The following PHRF1 variants were observed in gnomAD, a reference collection of about 807,000 sequenced individuals.
PHRF1 encodes the protein PHD and RING finger domain-containing protein 1.
Under a neutral mutation model 128.9 loss-of-function variants are expected in PHRF1, and 53 were observed. The ratio of observed to expected loss-of-function variants is 0.41; its 90% CI spans 0.33 to 0.52. The LOEUF is 0.52. Among genes scored for constraint, PHRF1 ranks in the 20% least tolerant of loss-of-function variants. The pLI is 0.21. For synonymous variants in PHRF1, 1,178 were observed against 980.6 expected (o/e 1.20, Z -3.76); for missense variants, 2,503 against 2,284.5 (o/e 1.10, Z -1.95).
chr11:611,066 G>A lies in PHRF1; in HGVS notation c.4790G>A (p.Arg1597His), dbSNP rs762689532. Residue 1597 changes from arginine (R) to histidine (H), a missense_variant, in exon 17 of 18, where the codon CGC (arginine) becomes CAC (histidine). Transcript: ENST00000264555. Reference protein sequence around the residue: ...VTKEEYKDILRKAVQKICHSK... With the variant: ...VTKEEYKDILHKAVQKICHSK... ...AAGGAGGAGTACAAGGACATCCTGC[G>A]CAAGGCCGTGCAGAAGGTGGGCTGT... 12 of 1,612,704 alleles carry A rather than the reference G, an allele frequency of 7.4e-6. No homozygotes were observed. Among genetic ancestry groups the A allele is most frequent in the Non-Finnish European group, 1.7e-6 (2 of 1,179,646 alleles).
chr11:609,837 C>A, intron 14 of PHRF1, 117 bp downstream of exon 14: 1 of 697,986 alleles, frequency 1.4e-6, no homozygotes, highest in East Asian at 2.8e-5. Context: ...GGACAGAGCC[C>A]CCCGTGAGTA....
rs983418134 is a variant in PHRF1, at chr11:611,615, A to G, written c.4807-19A>G. The G allele has an allele frequency of 1.9e-6, 3 of 1,612,750 alleles. No individual in the cohort carries two copies. The highest frequency in any genetic ancestry group is 2.2e-5 in the East Asian group (1 of 44,880). On this transcript the variant is annotated intron_variant, in intron 17 of 17. Transcript: ENST00000264555. ...TCTGGATGTGAAAGGGCATTTGGTG[A>G]TTGCACCTCTTTCTCCAGATCTGCC... is the stretch of plus-strand genomic sequence containing the variant.
intron 1 of PHRF1, among the ~76,000 whole-genome samples, chr11:578,625 C>T (rs1854023734): frequency 6.6e-6 from 1 of 152,222 alleles, no homozygotes; most frequent in African/African-American, 2.4e-5. Flanking sequence ...GCTGTTTGTT[C>T]ACATACTATG....
chr11:597,595 G>T lies in PHRF1; in HGVS notation c.894+25G>T, dbSNP rs1855370529. On this transcript the variant is annotated intron_variant, in intron 8 of 17. Coordinates refer to ENST00000264555, the MANE Select transcript of PHRF1 (RefSeq NM_001286581.2). This position sits in a 1 kb window ranked among gnomAD's most constrained non-coding sequence, Gnocchi z 6.5. ...GGTGGGTGGCCCAGCCCTGACGCCA[G>T]TCGTAGAACCCCAGCTGCCCAGAGT... is the stretch of plus-strand genomic sequence containing the variant. 2 of 1,597,552 alleles carry T rather than the reference G, an allele frequency of 1.3e-6. No individual in the cohort carries two copies. Among genetic ancestry groups the T allele is most frequent in the South Asian group, 1.1e-5 (1 of 88,326 alleles).
intron 6 of PHRF1, among the ~76,000 whole-genome samples, chr11:595,314 C>CA (rs375972665): frequency 1.7e-4 from 26 of 151,996 alleles, no homozygotes; most frequent in Non-Finnish European, 2.9e-4. Context: ...AAACAAAAAA[C>CA]AAAAAAACAC....
intron 4 of PHRF1, among the ~76,000 whole-genome samples, chr11:588,677 C>T (rs1411722495): frequency 6.6e-6 from 1 of 152,022 alleles, no homozygotes; most frequent in African/African-American, 2.4e-5. Context: ...CCACGCCCGG[C>T]CATTTTTATT....
intron 4 of PHRF1, among the ~76,000 whole-genome samples, chr11:589,903 CG>C (rs1206985907): frequency 2.0e-5 from 3 of 147,300 alleles, no homozygotes; most frequent in Non-Finnish European, 4.4e-5. Flanking sequence ...GGGCATGGAG[CG>C]TGCAGGGTTC....
intron 11 of PHRF1, 124 bp from the exon 12 acceptor site, chr11:605,481 C>T: frequency 1.3e-6 from 2 of 1,501,842 alleles, no homozygotes; most frequent in South Asian, 2.6e-5. Context: ...TGGTTCGGGG[C>T]CCGAATCACA....
In PHRF1 at chr11:581,386, TG is replaced by T. The variant is rs1273659868; in HGVS notation, c.-21-104del. The T allele has an allele frequency of 4.6e-6, 4 of 867,860 alleles. No homozygotes were observed. In the Admixed American group the frequency reaches 7.9e-5, roughly 17 times the overall value. The allele number at this position is 867,860 out of a possible 1,614,324, so 53.8% of individuals were successfully genotyped here. On this transcript the variant is annotated intron_variant, in intron 1 of 17. Transcript: ENST00000264555. ...GCTCACTCTTCACGTGCTGTGGCGG[TG>T]GATGTGACACGGGGATGTGGCCTGT...
chr11:587,704 C>T (rs1289833069), intron 4 of PHRF1, among the ~76,000 whole-genome samples: 3 of 152,060 alleles, frequency 2.0e-5, no homozygotes, highest in African/African-American at 4.8e-5. Context: ...AGAGGATGGC[C>T]GTGGGTCTCC....
intron 1 of PHRF1, among the ~76,000 whole-genome samples, chr11:576,892 C>T (rs1265725694): frequency 2.1e-5 from 3 of 145,828 alleles, no homozygotes; most frequent in African/African-American, 7.6e-5. Flanking sequence ...GGAGGCCCCG[C>T]CGAGACTGGG....
Position 607,767 on chromosome 11 carries a change from G to C in PHRF1, c.2311G>C (p.Gly771Arg). The C allele has an allele frequency of 6.2e-7, 1 of 1,612,516 alleles. No individual in the cohort carries two copies. The highest frequency in any genetic ancestry group is 1.1e-5 in the South Asian group (1 of 91,082). The change falls in exon 14 of 18, where the codon GGG (glycine) becomes CGG (arginine). Residue 771 changes from glycine to arginine, a missense_variant. Physicochemically the swap from Gly to Arg is moderately radical, Grantham distance 125 (BLOSUM62 -2). Transcript: ENST00000264555. ...GGGACCATCAAGAGGGAAAGGGGTC[G>C]GGTCGACCTTTGAGAGCTTCCGGAT... The part of the protein sequence containing the change: ...PLGPSRGKGV[G>R]STFESFRINI...
chr11:590,078 G>A (rs1042523215), intron 4 of PHRF1, among the ~76,000 whole-genome samples: 5 of 151,290 alleles, frequency 3.3e-5, no homozygotes, highest in South Asian at 2.1e-4. Flanking sequence ...GGCATGGAGC[G>A]TGCGGGGCTC....
intron 1 of PHRF1, among the ~76,000 whole-genome samples, chr11:580,478 C>T (rs1854138952): frequency 6.6e-6 from 1 of 152,174 alleles, no homozygotes; most frequent in South Asian, 2.1e-4. Flanking sequence ...CTCCTCAGCT[C>T]TGGGTACCAC....
At chr11:595,322 C>T (rs896239046) in intron 6 of PHRF1, among the ~76,000 whole-genome samples, 3 of 152,204 alleles carry the variant, frequency 2.0e-5, no homozygotes, top group African/African-American at 7.2e-5. Context: ...AACAAAAAAA[C>T]ACTATCTGTA....
At position 605,641 on chromosome 11, in the gene PHRF1, G is replaced by A. The variant is rs1273793802; in HGVS notation, c.1371G>A (p.Leu457=). ...EELSANPLSP[L]SAKRRALSRS... is the part of the protein sequence containing the mutation. ...TTTCTGCAAACCCTCTTTCCCCTCTGAGTGCCAAGAGACGGGCTCTGTCCC... is the reference window on the plus strand; with the variant it reads ...TTTCTGCAAACCCTCTTTCCCCTCTAAGTGCCAAGAGACGGGCTCTGTCCC... The change falls in exon 12 of 18, where the codon CTG becomes CTA. Residue 457 remains leucine (L), a synonymous_variant. Transcript: ENST00000264555. 6 of 1,613,610 alleles carry A rather than the reference G, an allele frequency of 3.7e-6. No homozygotes were observed. In the South Asian group the frequency reaches 6.6e-5, roughly 18 times the overall value.
chr11:587,029 C>A (rs757501769), intron 3 of PHRF1, among the ~76,000 whole-genome samples: 2 of 152,220 alleles, frequency 1.3e-5, no homozygotes, highest in African/African-American at 4.8e-5. Flanking sequence ...CGCTCAGCTT[C>A]CCGCCCCTCG....
chr11:604,605 C>A (rs916819668), intron 10 of PHRF1, among the ~76,000 whole-genome samples: 3 of 152,304 alleles, frequency 2.0e-5, no homozygotes, highest in Admixed American at 6.5e-5. Context: ...ACCTCTGCCT[C>A]CCGGGTTCAA....
At chr11:600,559 A>G (rs901943316) in intron 9 of PHRF1, among the ~76,000 whole-genome samples, 17 of 149,508 alleles carry the variant, frequency 1.1e-4, no homozygotes, top group African/African-American at 3.2e-4. Flanking sequence ...CGCCGGGCAC[A>G]GTGGCTCGCA....
Sources: allele counts gnomAD v4.1 joint callset (sites outside exome capture counted in the v4.1 genomes callset), GRCh38; gene constraint gnomAD v4.1.1; non-coding constraint Gnocchi (gnomAD v3.1); transcripts MANE v1.5; gene names NCBI Gene and HGNC (gene_info 2026-07-23, HGNC 2026-07-21).